Variants in GRM7 observed in about 807,000 individuals in gnomAD.
GRM7 encodes the protein glutamate metabotropic receptor 7, also known as metabotropic glutamate receptor 7.
In GRM7, 35 loss-of-function variants were observed where a neutral mutation model predicts 84.5. That is an observed-to-expected ratio of 0.41 (90% CI 0.32 to 0.55). GRM7 has a LOEUF of 0.55. Ranked by LOEUF, GRM7 falls within the 20% of genes least tolerant of loss-of-function variation. The pLI is 0.19. For synonymous variants in GRM7, 487 were observed against 455.1 expected (o/e 1.07, Z -0.89); for missense variants, 1,003 against 1,194.6 (o/e 0.84, Z 2.36).
At chr3:7,283,202 A>G (rs1322444760) in intron 2 of GRM7, among the ~76,000 whole-genome samples, 1 of 152,088 alleles carries the variant, frequency 6.6e-6, no homozygotes, top group Non-Finnish European at 1.5e-5. Context: ...CTGGCACTGG[A>G]CACTTCCCAG....
intron 4 of GRM7, among the ~76,000 whole-genome samples, chr3:7,405,734 AT>A (rs1695647509): frequency 6.6e-6 from 1 of 152,072 alleles, no homozygotes; most frequent in Admixed American, 6.6e-5. Context: ...TTATATACAT[AT>A]TTTTTGTTTT....
chr3:7,455,670 G>C (rs1697978564), intron 6 of GRM7, among the ~76,000 whole-genome samples: 1 of 152,114 alleles, frequency 6.6e-6, no homozygotes, highest in Non-Finnish European at 1.5e-5. Flanking sequence ...GAGAATAATA[G>C]ATAAAGGAAC....
intron 8 of GRM7, among the ~76,000 whole-genome samples, chr3:7,679,365 C>T (rs1700265998): frequency 6.6e-6 from 1 of 150,910 alleles, no homozygotes; most frequent in Admixed American, 6.6e-5. Flanking sequence ...TAGGCAAGCA[C>T]AAACCATCCA....
At chr3:7,514,854 T>C (rs1397585568) in intron 7 of GRM7, among the ~76,000 whole-genome samples, 1 of 152,144 alleles carries the variant, frequency 6.6e-6, no homozygotes, top group Non-Finnish European at 1.5e-5. Flanking sequence ...TTCTCCAGAG[T>C]CCGCTTCGAT....
Position 7,537,056 on chromosome 3 carries a change from A to G in GRM7, c.1516-41366A>G, listed in dbSNP as rs115416892. Among the ~76,000 whole-genome samples, 1,224 of 152,222 alleles carry G rather than the reference A, an allele frequency of 8.0e-3. 18 individuals carry two copies. The highest frequency in any genetic ancestry group is 0.028 in the African/African-American group (1,148 of 41,542). Reference sequence around the variant, plus strand: ...ATCAGGAAAGGGGCACAGATGCTTGAGGAAAGAAGTTTACAGCACACACCA... The same window carrying G: ...ATCAGGAAAGGGGCACAGATGCTTGGGGAAAGAAGTTTACAGCACACACCA... On this transcript the variant is annotated intron_variant, in intron 7 of 9. Transcript: ENST00000357716.
chr3:7,447,746 T>G (rs1697579730), intron 5 of GRM7, among the ~76,000 whole-genome samples: 1 of 151,774 alleles, frequency 6.6e-6, no homozygotes. Context: ...TTAATATTTA[T>G]TTTATTTATT....
intron 5 of GRM7, among the ~76,000 whole-genome samples, chr3:7,438,671 C>G (rs902610590): frequency 3.3e-5 from 5 of 152,076 alleles, no homozygotes; most frequent in African/African-American, 1.2e-4. Context: ...GACCAATAAA[C>G]AGCAACACCA....
chr3:7,261,472 T>A (rs896335946), intron 2 of GRM7, among the ~76,000 whole-genome samples: 3 of 152,198 alleles, frequency 2.0e-5, no homozygotes, highest in African/African-American at 7.2e-5. Context: ...CCCTTTACTC[T>A]CAACGTATGG....
At position 6,871,311 on chromosome 3, in the gene GRM7, A is replaced by G. The variant is rs148529350; in HGVS notation, c.519+9404A>G. Among the ~76,000 whole-genome samples the G allele has an allele frequency of 2.5e-3, 386 of 152,262 alleles. 1 individual carries two copies. The highest frequency in any genetic ancestry group is 8.9e-3 in the African/African-American group (371 of 41,564). On this transcript the variant is annotated intron_variant, in intron 1 of 9. Transcript: ENST00000357716. ...CTTTAATGACAATCAATTCTGAGCT[A>G]CTTAGTTAATGCAATAATATACTAT...
At chr3:7,699,015 G>A (rs950985260) in intron 9 of GRM7, among the ~76,000 whole-genome samples, 4 of 152,038 alleles carry the variant, frequency 2.6e-5, no homozygotes, top group East Asian at 1.9e-4. Context: ...ACATGCTTTC[G>A]GCATCTTAGC....
At chr3:7,220,799 T>G (rs1696775133) in intron 2 of GRM7, among the ~76,000 whole-genome samples, 1 of 152,162 alleles carries the variant, frequency 6.6e-6, no homozygotes, top group Non-Finnish European at 1.5e-5. Context: ...TAGTTTATTT[T>G]TAAAAAGAGA....
intron 1 of GRM7, among the ~76,000 whole-genome samples, chr3:6,968,274 C>A (rs479430): frequency 0.92 from 140,076 of 152,194 alleles, 64,651 homozygotes; most frequent in East Asian, 1. Context: ...TCCTCTGTGC[C>A]TGTCTGTCTC....
chr3:6,894,549 C>A (rs1016794621), intron 1 of GRM7, among the ~76,000 whole-genome samples: 12 of 151,874 alleles, frequency 7.9e-5, no homozygotes, highest in African/African-American at 2.7e-4. Context: ...ACATACATCT[C>A]TATAGGTGTA....
At chr3:7,615,921 A>T (rs956981035) in intron 8 of GRM7, among the ~76,000 whole-genome samples, 5 of 151,912 alleles carry the variant, frequency 3.3e-5, no homozygotes, top group African/African-American at 1.2e-4. Context: ...TAACGTATTT[A>T]TATATACTTG....
chr3:7,033,553 C>T (rs1386538206), intron 1 of GRM7, among the ~76,000 whole-genome samples: 2 of 152,172 alleles, frequency 1.3e-5, no homozygotes, highest in African/African-American at 2.4e-5. Flanking sequence ...TTCTTGAAAC[C>T]TACTTCCTTC....
intron 1 of GRM7, among the ~76,000 whole-genome samples, chr3:7,132,412 A>C (rs1212403219): frequency 1.3e-5 from 2 of 152,206 alleles, no homozygotes; most frequent in African/African-American, 4.8e-5. Flanking sequence ...CTATATCTGC[A>C]GTGCCTCAAA....
chr3:7,381,591 C>T (rs535168369), intron 4 of GRM7, among the ~76,000 whole-genome samples: 11 of 152,114 alleles, frequency 7.2e-5, no homozygotes, highest in South Asian at 4.2e-4. Flanking sequence ...TCCAAAGAGC[C>T]GCCTGACCGT....
At chr3:7,061,739 G>A (rs1697440331) in intron 1 of GRM7, among the ~76,000 whole-genome samples, 2 of 151,610 alleles carry the variant, frequency 1.3e-5, no homozygotes, top group Admixed American at 6.6e-5. Context: ...CGAGTGCTTT[G>A]CATACACAAC....
chr3:7,719,541 G>A (rs770941567), intron 9 of GRM7, among the ~76,000 whole-genome samples: 3 of 151,970 alleles, frequency 2.0e-5, no homozygotes, highest in Non-Finnish European at 2.9e-5. Flanking sequence ...AGCTGGGCGC[G>A]GTGGCTCATG....
Sources: allele counts gnomAD v4.1 joint callset (sites outside exome capture counted in the v4.1 genomes callset), GRCh38; gene constraint gnomAD v4.1.1; transcripts MANE v1.5; gene names NCBI Gene and HGNC (gene_info 2026-07-23, HGNC 2026-07-21).